The following CERS3 variants were observed in gnomAD, a reference collection of about 807,000 sequenced individuals.
CERS3 encodes the protein LAG1 homolog, ceramide synthase 3.
In CERS3, 33 loss-of-function variants were observed where a neutral mutation model predicts 50.3. The observed-to-expected ratio is 0.66, with a 90% CI of 0.50 to 0.88. The LOEUF (loss-of-function observed/expected upper bound fraction) is 0.88, where lower values mean the gene tolerates loss of function less well. Ranked by LOEUF, CERS3 falls within the 40% of genes least tolerant of loss-of-function variation. The pLI, the probability that CERS3 is intolerant of heterozygous loss-of-function variation, is 0.00. For missense variants in CERS3, 470 were observed against 460.3 expected, an observed-to-expected ratio of 1.02 and a Z score of -0.19; for synonymous variants, 176 against 155.2, an observed-to-expected ratio of 1.13 and a Z score of -0.99.
rs2035430725 is a variant in CERS3, at chr15:100,484,562, A to C, written c.395T>G (p.Phe132Cys). Residue 132 changes from phenylalanine (F) to cysteine (C), a missense_variant, in exon 5 of 12, where the codon TTC (phenylalanine) becomes TGC (cysteine). Coordinates refer to ENST00000679737, the MANE Select transcript of CERS3 (RefSeq NM_001378789.1). Reference sequence around the variant, plus strand: ...CCATCCTCCTTACCAAGCTTCCTGGAATTTCTTCAGCCTGGAAGGCCTCTC... The same window carrying C: ...CCATCCTCCTTACCAAGCTTCCTGGCATTTCTTCAGCCTGGAAGGCCTCTC... ...NQERPSRLKKFQEACWRFAFY... is the reference protein window; with the variant it reads ...NQERPSRLKKCQEACWRFAFY... 1 of 1,612,500 alleles carries C rather than the reference A, an allele frequency of 6.2e-7. No homozygotes were observed. The highest frequency in any genetic ancestry group is 1.7e-5 in the Admixed American group (1 of 59,996).
chr15:100,491,351 C>G (rs574658896), intron 3 of CERS3, among the ~76,000 whole-genome samples: 17 of 152,070 alleles, frequency 1.1e-4, no homozygotes, highest in African/African-American at 4.1e-4. Flanking sequence ...TGGCACAACT[C>G]TAGGGCAAAT....
In CERS3 at chr15:100,479,988, C is replaced by T; in HGVS notation, c.465+1G>A. 1 of 1,602,078 alleles carries T rather than the reference C, an allele frequency of 6.2e-7. No homozygotes were observed. Among genetic ancestry groups the T allele is most frequent in the Non-Finnish European group, 8.5e-7 (1 of 1,173,436 alleles). ...ATCGAAGATATAAAAAGATAACTTACATCATAAAGAAACGCAATTCCAGCA... is the reference window on the plus strand; with the variant it reads ...ATCGAAGATATAAAAAGATAACTTATATCATAAAGAAACGCAATTCCAGCA... On this transcript the variant is annotated splice_donor_variant, in intron 6 of 11. Transcript: ENST00000679737. LOFTEE classifies it high-confidence loss of function.
At chr15:100,409,580 C>T (rs772214616) in intron 11 of CERS3, among the ~76,000 whole-genome samples, 28 of 152,154 alleles carry the variant, frequency 1.8e-4, no homozygotes, top group South Asian at 6.2e-4. Flanking sequence ...AAGGCATCTA[C>T]GTACTCACTA....
In CERS3 at chr15:100,484,618, C is replaced by A. The variant is rs2142281651; in HGVS notation, c.339G>T (p.Val113=). Residue 113 remains valine (V), a synonymous_variant, in exon 5 of 12, where the codon GTG becomes GTT. Coordinates refer to ENST00000679737, the MANE Select transcript of CERS3 (RefSeq NM_001378789.1). ...AKKCNLTERQ[V]ERWFRSRRNQ... is the part of the protein sequence containing the mutation. ...TCCGCCGACTCCTAAACCATCTTTC[C>A]ACCTGGCGCTCCGTCAAGTTACACT... The A allele has an allele frequency of 5.6e-6, 9 of 1,614,162 alleles. No homozygotes were observed. The highest frequency in any genetic ancestry group is 7.6e-6 in the Non-Finnish European group (9 of 1,180,024).
At chr15:100,509,532 G>C (rs2036278799) in intron 2 of CERS3, among the ~76,000 whole-genome samples, 1 of 152,180 alleles carries the variant, frequency 6.6e-6, no homozygotes, top group South Asian at 2.1e-4. Context: ...ATGGCAAGGT[G>C]GGCAAACAAG....
chr15:100,441,618 A>C (rs1053773166), intron 11 of CERS3, among the ~76,000 whole-genome samples: 5 of 152,028 alleles, frequency 3.3e-5, no homozygotes, highest in African/African-American at 1.2e-4. Flanking sequence ...CTGACCTAAA[A>C]CCTAAATGCC....
chr15:100,425,498 A>T (rs773842493), intron 11 of CERS3, among the ~76,000 whole-genome samples: 4 of 152,162 alleles, frequency 2.6e-5, no homozygotes, highest in Non-Finnish European at 5.9e-5. Context: ...TGGGCTTCAG[A>T]CTTCCATGGG....
intron 11 of CERS3, among the ~76,000 whole-genome samples, chr15:100,444,205 C>T (rs1358872447): frequency 6.6e-6 from 1 of 152,174 alleles, no homozygotes; most frequent in African/African-American, 2.4e-5. Flanking sequence ...AAACTATGCT[C>T]AACTCACTCT....
chr15:100,525,919 T>A (rs2036774779), intron 1 of CERS3, among the ~76,000 whole-genome samples: 1 of 152,200 alleles, frequency 6.6e-6, no homozygotes, highest in South Asian at 2.1e-4. Flanking sequence ...TTTTCAATCA[T>A]CCTGGGTCCA....
chr15:100,443,549 T>C (rs2033799652), intron 11 of CERS3, among the ~76,000 whole-genome samples: 1 of 149,786 alleles, frequency 6.7e-6, no homozygotes, highest in Admixed American at 6.7e-5. Flanking sequence ...CAAACATGCT[T>C]TCTTTACTAT....
At position 100,469,504 on chromosome 15, in the gene CERS3, T is replaced by G; in HGVS notation, c.739-20A>C. 6.6e-7 allele frequency: 1 copy of G among 1,522,300 alleles called. No individual in the cohort carries two copies. Among genetic ancestry groups the G allele is most frequent in the South Asian group, 1.1e-5 (1 of 87,776 alleles). 94.3% of individuals were successfully genotyped at this position (1,522,300 alleles called of 1,614,324 possible). ...AGCAGACTGCAAAAAAGAAAGAAAC[T>G]GCAGATAAAGTGACAATAGCCTACA... On this transcript the variant is annotated intron_variant, in intron 9 of 11. Transcript: ENST00000679737.
intron 2 of CERS3, among the ~76,000 whole-genome samples, chr15:100,503,324 C>T (rs906776440): frequency 6.6e-6 from 1 of 152,178 alleles, no homozygotes; most frequent in Non-Finnish European, 1.5e-5. Flanking sequence ...ATTGCCCTGG[C>T]ATAATCAGTA....
chr15:100,527,129 T>C (rs1226659989), intron 1 of CERS3, among the ~76,000 whole-genome samples: 1 of 151,960 alleles, frequency 6.6e-6, no homozygotes, highest in African/African-American at 2.4e-5. Context: ...CCCCCATCTC[T>C]ACTAAAACTA....
chr15:100,456,802 C>T (rs1400455848), intron 10 of CERS3, among the ~76,000 whole-genome samples: 1 of 152,078 alleles, frequency 6.6e-6, no homozygotes, highest in African/African-American at 2.4e-5. Flanking sequence ...CAAAAATTAG[C>T]TGGGTGTGGT....
chr15:100,543,250 T>A (rs1363003507), intron 1 of CERS3, among the ~76,000 whole-genome samples: 1 of 152,184 alleles, frequency 6.6e-6, no homozygotes, highest in Admixed American at 6.5e-5. Flanking sequence ...TTGAAAACTG[T>A]TGGTGTGGAC....
intron 11 of CERS3, among the ~76,000 whole-genome samples, chr15:100,451,681 C>A (rs752191049): frequency 1.1e-4 from 16 of 151,458 alleles, no homozygotes; most frequent in Non-Finnish European, 8.8e-5. Context: ...CACTCTAGCC[C>A]GGGTGACAGA....
intron 11 of CERS3, among the ~76,000 whole-genome samples, chr15:100,453,652 C>A (rs542398690): frequency 6.6e-6 from 1 of 152,186 alleles, no homozygotes; most frequent in South Asian, 2.1e-4. Flanking sequence ...AAAGTCAGAG[C>A]AATCAGGCAA....
chr15:100,474,673 G>A (rs988970191), intron 8 of CERS3, among the ~76,000 whole-genome samples: 1 of 152,238 alleles, frequency 6.6e-6, no homozygotes, highest in Non-Finnish European at 1.5e-5. Context: ...AAAGTGCTGG[G>A]ATCACAGGCG....
Position 100,484,625 on chromosome 15 carries a change from C to A in CERS3, c.332G>T (p.Arg111Leu), listed in dbSNP as rs762930624. 5.0e-6 allele frequency: 8 copies of A among 1,614,118 alleles called. No individual in the cohort carries two copies. The highest frequency in any genetic ancestry group is 1.1e-5 in the South Asian group (1 of 91,084). Reference sequence around the variant, plus strand: ...ACTCCTAAACCATCTTTCCACCTGGCGCTCCGTCAAGTTACACTTCTTTGC... The same window carrying A: ...ACTCCTAAACCATCTTTCCACCTGGAGCTCCGTCAAGTTACACTTCTTTGC... ...GLAKKCNLTE[R>L]QVERWFRSRR... The change falls in exon 5 of 12, where the codon CGC (arginine) becomes CTC (leucine). Residue 111 changes from arginine to leucine, a missense_variant. Transcript: ENST00000679737.
Sources: gnomAD v4.1 joint callset for allele counts (sites outside exome capture counted in the v4.1 genomes callset) on GRCh38, gnomAD v4.1.1 for gene constraint, MANE v1.5 for transcripts, NCBI Gene and HGNC (gene_info 2026-07-23, HGNC 2026-07-21) for gene names.